The following MAP4K3 variants were observed in gnomAD, a reference collection of about 807,000 sequenced individuals.
MAP4K3 encodes the protein mitogen-activated protein kinase kinase kinase kinase 3, also known as MAPK/ERK kinase kinase kinase 3.
A neutral mutation model predicts 143.5 loss-of-function variants in MAP4K3; 94 were observed. The observed-to-expected ratio is 0.65, with a 90% CI of 0.55 to 0.78. The LOEUF is 0.78. Ranked by LOEUF, MAP4K3 falls within the 30% of genes least tolerant of loss-of-function variation. MAP4K3 has a pLI of 0.00. For synonymous variants in MAP4K3, 416 were observed against 347.2 expected, an observed-to-expected ratio of 1.20 and a Z score of -2.20; for missense variants, 1,077 against 1,068.1, an observed-to-expected ratio of 1.01 and a Z score of -0.12.
chr2:39,400,741 T>C (rs1480225395), intron 1 of MAP4K3, among the ~76,000 whole-genome samples: 4 of 152,166 alleles, frequency 2.6e-5, no homozygotes, highest in Non-Finnish European at 4.4e-5. Flanking sequence ...AGATATTGTA[T>C]AATTTTCACT....
intron 4 of MAP4K3, among the ~76,000 whole-genome samples, chr2:39,340,803 T>C (rs1665116749): frequency 1.3e-5 from 2 of 151,924 alleles, no homozygotes. Flanking sequence ...GACATGAAAA[T>C]ATATGGTAAC....
intron 21 of MAP4K3, among the ~76,000 whole-genome samples, chr2:39,283,161 G>A (rs927567636): frequency 6.6e-6 from 1 of 152,114 alleles, no homozygotes; most frequent in Non-Finnish European, 1.5e-5. Flanking sequence ...ACCGCAGTAT[G>A]GGTATACTGA....
intron 4 of MAP4K3, 74 bp from the exon 5 acceptor site, chr2:39,337,655 G>A (rs1166423438): frequency 1.0e-5 from 9 of 884,564 alleles, no homozygotes; most frequent in Admixed American, 2.0e-5. Flanking sequence ...AGTTTTACAA[G>A]TTTAAGCAAC....
intron 6 of MAP4K3, among the ~76,000 whole-genome samples, chr2:39,335,045 G>A (rs1455309484): frequency 6.6e-6 from 1 of 152,120 alleles, no homozygotes; most frequent in Non-Finnish European, 1.5e-5. Context: ...GGGCTAGAAT[G>A]AGCTCAACAT....
intron 1 of MAP4K3, among the ~76,000 whole-genome samples, chr2:39,410,861 A>G (rs924117418): frequency 1.3e-5 from 2 of 152,230 alleles, no homozygotes; most frequent in African/African-American, 4.8e-5. Flanking sequence ...CATATGTCAT[A>G]GTTTTTGCTA....
Position 39,358,094 on chromosome 2 carries a change from T to C in MAP4K3, c.155-1755A>G, listed in dbSNP as rs537973045. 1.0e-3 allele frequency among the ~76,000 whole-genome samples: 153 copies of C among 152,352 alleles called. 5 individuals carry two copies. The South Asian group carries it at 0.031, about 31-fold the overall frequency. On this transcript the variant is annotated intron_variant, in intron 2 of 33. Coordinates refer to ENST00000263881, the MANE Select transcript of MAP4K3 (RefSeq NM_003618.4). ...CTGAGCTATTACAGCAAGCCTCACC[T>C]GTCTCTGTAATTTTCAGATATACCT...
chr2:39,319,962 T>C (rs546941441), intron 12 of MAP4K3, among the ~76,000 whole-genome samples: 2 of 152,312 alleles, frequency 1.3e-5, no homozygotes, highest in South Asian at 4.1e-4. Flanking sequence ...CCCCAATTCT[T>C]TGACCATTAT....
At chr2:39,393,233 C>T (rs778563422) in intron 1 of MAP4K3, among the ~76,000 whole-genome samples, 2 of 152,076 alleles carry the variant, frequency 1.3e-5, no homozygotes, top group South Asian at 2.1e-4. Flanking sequence ...GAATGAAACA[C>T]AAAAATGTAC....
At chr2:39,417,392 TG>T (rs1480153214) in intron 1 of MAP4K3, among the ~76,000 whole-genome samples, 1 of 152,128 alleles carries the variant, frequency 6.6e-6, no homozygotes, top group Non-Finnish European at 1.5e-5. Context: ...GCTAATTTTT[TG>T]TATTTTTAGT....
At chr2:39,323,513 C>T (rs1438951371) in intron 12 of MAP4K3, 3 of 152,144 alleles carry the variant, frequency 2.0e-5, no homozygotes, top group Admixed American at 2.0e-4. Flanking sequence ...TTAAATAACA[C>T]TAGTTCCCTA....
intron 1 of MAP4K3, among the ~76,000 whole-genome samples, chr2:39,421,653 T>C (rs1157522465): frequency 6.6e-6 from 1 of 152,196 alleles, no homozygotes; most frequent in Non-Finnish European, 1.5e-5. Context: ...GCCTAGTACA[T>C]AGTATATACT....
intron 2 of MAP4K3, among the ~76,000 whole-genome samples, chr2:39,366,815 T>A (rs975038103): frequency 4.6e-5 from 7 of 152,182 alleles, no homozygotes; most frequent in African/African-American, 1.7e-4. Flanking sequence ...CACTGGCTAA[T>A]CTTTAAAAAG....
intron 15 of MAP4K3, among the ~76,000 whole-genome samples, chr2:39,300,720 C>G (rs533955527): frequency 1.3e-5 from 2 of 152,294 alleles, no homozygotes; most frequent in East Asian, 3.9e-4. Flanking sequence ...AACACAAAAG[C>G]CACCTTGGAG....
intron 12 of MAP4K3, 118 bp from the exon 13 acceptor site, chr2:39,315,506 G>A (rs758417044): frequency 5.0e-6 from 3 of 602,602 alleles, no homozygotes; most frequent in South Asian, 2.4e-5. Flanking sequence ...AAGCAAAACA[G>A]CACTTTGCAA....
intron 12 of MAP4K3, among the ~76,000 whole-genome samples, chr2:39,321,745 G>A (rs189782413): frequency 4.7e-4 from 72 of 152,372 alleles, no homozygotes; most frequent in African/African-American, 1.7e-3. Flanking sequence ...CCGCCTTAGG[G>A]CTGGAGGTGG....
intron 16 of MAP4K3, among the ~76,000 whole-genome samples, chr2:39,296,735 G>T (rs909877097): frequency 6.6e-6 from 1 of 152,076 alleles, no homozygotes; most frequent in African/African-American, 2.4e-5. Flanking sequence ...AAATTAAACA[G>T]CAGTTTTATT....
chr2:39,417,037 G>A (rs1448883049), intron 1 of MAP4K3, among the ~76,000 whole-genome samples: 3 of 152,138 alleles, frequency 2.0e-5, no homozygotes, highest in Admixed American at 1.3e-4. Flanking sequence ...TTAGCACATA[G>A]TAAGTGGTGT....
chr2:39,271,363 T>C (rs760290005), intron 26 of MAP4K3, among the ~76,000 whole-genome samples: 7 of 152,170 alleles, frequency 4.6e-5, no homozygotes, highest in Non-Finnish European at 8.8e-5. Flanking sequence ...GAACAGCAGA[T>C]TCTCAAGGTA....
intron 1 of MAP4K3, chr2:39,436,689 G>A (rs1331594360): frequency 3.5e-6 from 2 of 572,278 alleles, no homozygotes; most frequent in Non-Finnish European, 6.2e-6. Flanking sequence ...GGGGGCTCAG[G>A]TAAGGGCTGG....
Sources: gnomAD v4.1 joint callset for allele counts (sites outside exome capture counted in the v4.1 genomes callset) on GRCh38, gnomAD v4.1.1 for gene constraint, MANE v1.5 for transcripts, NCBI Gene and HGNC (gene_info 2026-07-23, HGNC 2026-07-21) for gene names.